The following NLK variants were observed in gnomAD, a reference collection of about 807,000 sequenced individuals.
NLK encodes the protein nemo like kinase, also known as serine/threonine-protein kinase NLK.
A neutral mutation model predicts 59.0 loss-of-function variants in NLK; 11 were observed. The observed-to-expected ratio is 0.19, with a 90% confidence interval of 0.12 to 0.31. The LOEUF (loss-of-function observed/expected upper bound fraction) is 0.31, where lower values mean the gene tolerates loss of function less well. NLK is among the 10% of genes least tolerant of loss of function. NLK has a pLI of 1.00. For missense variants in NLK, 410 were observed against 661.1 expected (o/e 0.62, Z 4.16); for synonymous variants, 235 against 235.9 (o/e 1.00, Z 0.03).
At chr17:28,165,563 A>C (rs1441688543) in intron 5 of NLK, among the ~76,000 whole-genome samples, 1 of 152,242 alleles carries the variant, frequency 6.6e-6, no homozygotes, top group Non-Finnish European at 1.5e-5. Flanking sequence ...TTCATTGAAG[A>C]TCATTATAAC....
chr17:28,164,513 C>G (rs1258874457), intron 5 of NLK, among the ~76,000 whole-genome samples: 3 of 151,980 alleles, frequency 2.0e-5, no homozygotes, highest in Non-Finnish European at 4.4e-5. Flanking sequence ...TTAGTAGTTC[C>G]AAAATTTCAA....
At position 28,082,130 on chromosome 17, in the gene NLK, T is replaced by G. The variant is rs562700032; in HGVS notation, c.458+38799T>G. Among the ~76,000 whole-genome samples, 4 of 152,342 alleles carry G rather than the reference T, an allele frequency of 2.6e-5. No homozygotes were observed. In the East Asian group the frequency reaches 7.7e-4, roughly 29 times the overall value. ...GCTGGCCATGCTAGTCTCGAACTCC[T>G]GACCTCACATGATCCACCCTCCTCG... On this transcript the variant is annotated intron_variant, in intron 1 of 10. Coordinates refer to ENST00000407008, the MANE Select transcript of NLK (RefSeq NM_016231.5).
At chr17:28,062,640 G>A (rs1204340901) in intron 1 of NLK, among the ~76,000 whole-genome samples, 3 of 152,064 alleles carry the variant, frequency 2.0e-5, no homozygotes, top group East Asian at 1.9e-4. Context: ...TAGTACAGTG[G>A]TGCAGTCACA....
At chr17:28,191,427 T>C (rs1377193463) in intron 9 of NLK, among the ~76,000 whole-genome samples, 1 of 152,232 alleles carries the variant, frequency 6.6e-6, no homozygotes, top group African/African-American at 2.4e-5. Context: ...GAATATTTTG[T>C]TCTTATTTTC....
chr17:28,063,717 T>C (rs1008279279), intron 1 of NLK, among the ~76,000 whole-genome samples: 6 of 152,284 alleles, frequency 3.9e-5, no homozygotes, highest in Admixed American at 6.5e-5. Flanking sequence ...CCTCACTCTT[T>C]ATTCTCTGGA....
intron 8 of NLK, among the ~76,000 whole-genome samples, chr17:28,186,442 GTTTTC>G (rs1270470985): frequency 1.3e-5 from 2 of 152,034 alleles, no homozygotes; most frequent in African/African-American, 4.8e-5. Context: ...TTTTGCTGTT[GTTTTC>G]TTTTTTGTTT....
At chr17:28,174,222 T>C (rs1908585034) in intron 7 of NLK, among the ~76,000 whole-genome samples, 2 of 152,236 alleles carry the variant, frequency 1.3e-5, no homozygotes, top group South Asian at 4.1e-4. Context: ...AGGGTAAATA[T>C]ATTATTTTGT....
chr17:28,073,782 G>A (rs775403951), intron 1 of NLK, among the ~76,000 whole-genome samples: 3 of 151,762 alleles, frequency 2.0e-5, no homozygotes, highest in Admixed American at 6.6e-5. Flanking sequence ...ATATACCCCC[G>A]GTAGAATGAA....
Position 28,132,617 on chromosome 17 carries a change from C to G in NLK, c.589-3C>G. ...AATTTGACTTTTTTTTTCCTTTTCT[C>G]AGGTACTCTCTGCCCTTGACATACT... is the stretch of plus-strand genomic sequence containing the variant. On this transcript the variant is annotated splice_polypyrimidine_tract_variant and splice_region_variant and intron_variant, in intron 2 of 10. Coordinates refer to ENST00000407008, the MANE Select transcript of NLK (RefSeq NM_016231.5). 1 of 1,603,890 alleles carries G rather than the reference C, an allele frequency of 6.2e-7. No homozygotes were observed.
chr17:28,138,197 G>A (rs1906840169), intron 3 of NLK, among the ~76,000 whole-genome samples: 2 of 152,190 alleles, frequency 1.3e-5, no homozygotes, highest in Non-Finnish European at 2.9e-5. Context: ...TACCTACAGG[G>A]TTGGAAATAA....
intron 1 of NLK, chr17:28,048,596 T>A (rs1188977097): frequency 6.6e-6 from 1 of 152,212 alleles, no homozygotes; most frequent in Non-Finnish European, 1.5e-5. Context: ...CTGAATATGT[T>A]TGAATTTAAA....
intron 1 of NLK, chr17:28,048,358 T>A (rs2142731899): frequency 6.0e-6 from 1 of 166,436 alleles, no homozygotes; most frequent in Middle Eastern, 2.8e-3. Flanking sequence ...AATTTCATGT[T>A]ATACTGTCCA....
chr17:28,164,742 A>T (rs531066705), intron 5 of NLK, among the ~76,000 whole-genome samples: 6 of 152,348 alleles, frequency 3.9e-5, no homozygotes, highest in Non-Finnish European at 1.5e-5. Context: ...AAAGAAAAAT[A>T]AATTTTTAAA....
At chr17:28,054,798 G>A (rs1909381496) in intron 1 of NLK, among the ~76,000 whole-genome samples, 1 of 152,198 alleles carries the variant, frequency 6.6e-6, no homozygotes, top group Non-Finnish European at 1.5e-5. Flanking sequence ...GGGCGCATTG[G>A]CTCATGCCTG....
At chr17:28,179,540 G>T (rs1331308109) in intron 7 of NLK, among the ~76,000 whole-genome samples, 1 of 151,720 alleles carries the variant, frequency 6.6e-6, no homozygotes, top group Non-Finnish European at 1.5e-5. Context: ...AGACCAGCCT[G>T]GCCAACATGG....
intron 1 of NLK, among the ~76,000 whole-genome samples, chr17:28,087,261 T>G (rs1464770607): frequency 1.3e-5 from 2 of 152,184 alleles, no homozygotes; most frequent in African/African-American, 4.8e-5. Flanking sequence ...TTTTTTAACT[T>G]TTATATAGGC....
At chr17:28,048,309 C>A (rs1909131205) in intron 1 of NLK, 1 of 213,662 alleles carries the variant, frequency 4.7e-6, no homozygotes, top group Admixed American at 5.8e-5. Context: ...TTCAAAAAAC[C>A]ACAGCACAAA....
intron 1 of NLK, among the ~76,000 whole-genome samples, chr17:28,066,919 A>G (rs1427410397): frequency 2.0e-5 from 3 of 152,306 alleles, no homozygotes; most frequent in East Asian, 3.9e-4. Context: ...TATCTATTCA[A>G]GCCTTTGCCC....
At chr17:28,060,621 G>A (rs1208220689) in intron 1 of NLK, among the ~76,000 whole-genome samples, 1 of 152,138 alleles carries the variant, frequency 6.6e-6, no homozygotes, top group African/African-American at 2.4e-5. Flanking sequence ...ACCCAACAGA[G>A]AATGGGCAAA....
Sources: gnomAD v4.1 joint callset for allele counts (sites outside exome capture counted in the v4.1 genomes callset) on GRCh38, gnomAD v4.1.1 for gene constraint, MANE v1.5 for transcripts, NCBI Gene and HGNC (gene_info 2026-07-23, HGNC 2026-07-21) for gene names.